RAB3D: variants seen among roughly 807,000 people sequenced by gnomAD.
The protein encoded by RAB3D is ras-related protein Rab-3D.
A neutral mutation model predicts 19.3 loss-of-function variants in RAB3D; 17 were observed. The ratio of observed to expected loss-of-function variants is 0.88; its 90% CI spans 0.60 to 1.32. The LOEUF is 1.32. Ranked by LOEUF, RAB3D falls within the 40% of genes most tolerant of loss-of-function variation. The pLI, the probability that RAB3D is intolerant of heterozygous loss-of-function variation, is 0.00. For synonymous variants in RAB3D, 103 were observed against 119.9 expected (o/e 0.86, Z 0.92); for missense variants, 223 against 299.1 (o/e 0.75, Z 1.88).
At position 11,337,110 on chromosome 19, in the gene RAB3D, C is replaced by T. The variant is rs797004720; in HGVS notation, c.228+62G>A. 68 of 1,357,048 alleles carry T rather than the reference C, an allele frequency of 5.0e-5. No individual in the cohort carries two copies. In the African/African-American group the frequency reaches 9.6e-4, roughly 19 times the overall value. 84.1% of individuals were successfully genotyped at this position (1,357,048 alleles called of 1,614,324 possible). A position where few individuals can be genotyped will look rare whatever the true frequency, so the allele number is the denominator to read the frequency against. On this transcript the variant is annotated intron_variant, in intron 2 of 4. Coordinates refer to ENST00000222120, the MANE Select transcript of RAB3D (RefSeq NM_004283.4). ...CTCCGTCTCAAAAAAAAAAAAAGAA[C>T]CCTCCAATGAACTTTCCTGGAGGGA... is the stretch of plus-strand genomic sequence containing the variant.
rs1478174618 is a variant in RAB3D at position 11,323,057 on chromosome 19, A to G, written c.*2341T>C. On this transcript the variant is annotated 3_prime_UTR_variant, in exon 5 of 5. Transcript: ENST00000222120. ...AACCCGGGAGGTGGAGGTTGCAGTGAGCTGAGATCATGCTACTGCACTGCG... is the reference window on the plus strand; with the variant it reads ...AACCCGGGAGGTGGAGGTTGCAGTGGGCTGAGATCATGCTACTGCACTGCG... The G allele has an allele frequency of 6.6e-6, 1 of 151,286 alleles. No individual in the cohort carries two copies. Among genetic ancestry groups the G allele is most frequent in the Non-Finnish European group, 1.5e-5 (1 of 67,898 alleles). 9.4% of individuals were successfully genotyped at this position (151,286 alleles called of 1,614,324 possible).
intron 4 of RAB3D, among the ~76,000 whole-genome samples, chr19:11,332,749 G>A (rs7250830): frequency 0.064 from 9,730 of 152,092 alleles, 1,018 homozygotes; most frequent in African/African-American, 0.22. Flanking sequence ...CAGAGTAGCT[G>A]GGATTACAAG....
chr19:11,335,766 C>T lies in RAB3D; in HGVS notation c.246G>A (p.Glu82=). ...AGGCCGTGGTGATGGTGCGGTAGCGCTCCTGGCCCGCTGTGTCCTGGACAA... is the reference window on the plus strand; with the variant it reads ...AGGCCGTGGTGATGGTGCGGTAGCGTTCCTGGCCCGCTGTGTCCTGGACAA... ...KLQIWDTAGQ[E]RYRTITTAYY... The change falls in exon 3 of 5, where the codon GAG becomes GAA. Residue 82 remains glutamate (E), a synonymous_variant. Transcript: ENST00000222120. 1 of 1,614,198 alleles carries T rather than the reference C, an allele frequency of 6.2e-7. No individual in the cohort carries two copies.
chr19:11,332,952 T>C (rs1268831594), intron 4 of RAB3D, among the ~76,000 whole-genome samples: 3 of 152,102 alleles, frequency 2.0e-5, no homozygotes, highest in Non-Finnish European at 4.4e-5. Flanking sequence ...GCTGCATTTG[T>C]CAGAGGAAAA....
intron 4 of RAB3D, among the ~76,000 whole-genome samples, chr19:11,330,711 G>A (rs924888662): frequency 3.3e-5 from 5 of 151,766 alleles, no homozygotes; most frequent in Admixed American, 6.6e-5. Context: ...CACCACACCC[G>A]GCTAATTTTT....
At chr19:11,335,389 T>A in intron 4 of RAB3D, 58 bp downstream of exon 4, 2 of 1,601,080 alleles carry the variant, frequency 1.2e-6, no homozygotes, top group Non-Finnish European at 1.7e-6. Flanking sequence ...AATCAGAGGA[T>A]GGGGATGAGG....
At position 11,337,340 on chromosome 19, in the gene RAB3D, G is replaced by A; in HGVS notation, c.60C>T (p.Asp20=). ...GPRDAADQNF[D]YMFKLLLIGN... is the part of the protein sequence containing the mutation. Reference sequence around the variant, plus strand: ...CTATCAGTAGCAGTTTGAACATATAGTCGAAGTTCTGATCTGCTGCATCCC... The same window carrying A: ...CTATCAGTAGCAGTTTGAACATATAATCGAAGTTCTGATCTGCTGCATCCC... Residue 20 remains aspartate (D), a synonymous_variant, in exon 2 of 5, where the codon GAC becomes GAT. Transcript: ENST00000222120. 1 of 1,614,190 alleles carries A rather than the reference G, an allele frequency of 6.2e-7. No individual in the cohort carries two copies.
In RAB3D at chr19:11,335,504, G is replaced by A; in HGVS notation, c.415C>T (p.Leu139=). 1 of 1,614,214 alleles carries A rather than the reference G, an allele frequency of 6.2e-7. No individual in the cohort carries two copies. Among genetic ancestry groups the A allele is most frequent in the Non-Finnish European group, 8.5e-7 (1 of 1,180,048 alleles). The change falls in exon 4 of 5, where the codon CTG becomes TTG. Residue 139 remains leucine (L), a synonymous_variant. Transcript: ENST00000222120. ...GCAGGCACAACACGTTCGTCCTCCA[G>A]GTCACACTTGTTCCCCACCAGGATG... ...QVILVGNKCD[L]EDERVVPAED... is the part of the protein sequence containing the mutation.
chr19:11,338,688 G>T (rs1261687099), intron 1 of RAB3D, among the ~76,000 whole-genome samples: 1 of 152,144 alleles, frequency 6.6e-6, no homozygotes, highest in African/African-American at 2.4e-5. Flanking sequence ...GCAGGAGTGA[G>T]AGTCCTTATA....
chr19:11,338,957 C>T (rs1049211686), intron 1 of RAB3D, among the ~76,000 whole-genome samples: 1 of 152,240 alleles, frequency 6.6e-6, no homozygotes, highest in African/African-American at 2.4e-5. Context: ...GCAGGCGGGG[C>T]AGAGGCAGAG....
At chr19:11,335,893 C>G (rs1599360007) in intron 2 of RAB3D, 110 bp from the exon 3 acceptor site, 4 of 1,005,742 alleles carry the variant, frequency 4.0e-6, no homozygotes, top group Non-Finnish European at 6.2e-6. Flanking sequence ...GGGGGAGACA[C>G]AGACTTGCTT....
At position 11,326,623 on chromosome 19, in the gene RAB3D, A is replaced by G. The variant is rs116723141; in HGVS notation, c.473-1038T>C. Among the ~76,000 whole-genome samples, 503 of 152,298 alleles carry G rather than the reference A, an allele frequency of 3.3e-3. 7 individuals are homozygous for G. The highest frequency in any genetic ancestry group is 0.012 in the African/African-American group (492 of 41,582). ...CATTTTCCATTGCTTTTTTTAAAAG[A>G]GAAACGGTCTCTCTCTATTGCCCAG... On this transcript the variant is annotated intron_variant, in intron 4 of 4. Coordinates refer to ENST00000222120, the MANE Select transcript of RAB3D (RefSeq NM_004283.4).
At position 11,323,042 on chromosome 19, in the gene RAB3D, G is replaced by A. The variant is rs984214321; in HGVS notation, c.*2356C>T. Reference sequence around the variant, plus strand: ...CAGGAGAATCGCTTGAACCCGGGAGGTGGAGGTTGCAGTGAGCTGAGATCA... The same window carrying A: ...CAGGAGAATCGCTTGAACCCGGGAGATGGAGGTTGCAGTGAGCTGAGATCA... On this transcript the variant is annotated 3_prime_UTR_variant, in exon 5 of 5. Transcript: ENST00000222120. The A allele has an allele frequency of 6.6e-6, 1 of 151,816 alleles. No homozygotes were observed. The highest frequency in any genetic ancestry group is 2.4e-5 in the African/African-American group (1 of 41,298). The allele number at this position is 151,816 out of a possible 1,614,324, so 9.4% of individuals were successfully genotyped here.
At chr19:11,338,682 G>A (rs1966920566) in intron 1 of RAB3D, among the ~76,000 whole-genome samples, 1 of 152,140 alleles carries the variant, frequency 6.6e-6, no homozygotes, top group Admixed American at 6.5e-5. Context: ...ACGGAGGCAG[G>A]AGTGAGAGTC....
chr19:11,338,125 T>C (rs1388010164), intron 1 of RAB3D, among the ~76,000 whole-genome samples: 1 of 152,196 alleles, frequency 6.6e-6, no homozygotes, highest in Non-Finnish European at 1.5e-5. Context: ...GTAACGGTCA[T>C]TAGACAGTGC....
intron 4 of RAB3D, among the ~76,000 whole-genome samples, chr19:11,332,947 A>T (rs1599358766): frequency 6.6e-6 from 1 of 152,186 alleles, no homozygotes; most frequent in South Asian, 2.1e-4. Context: ...CTGCAGCTGC[A>T]TTTGTCAGAG....
rs1966931227 is a variant in RAB3D, at chr19:11,339,590, C to G, written c.-183G>C. 1 of 152,360 alleles carries G rather than the reference C, an allele frequency of 6.6e-6. No homozygotes were observed. The highest frequency in any genetic ancestry group is 1.5e-5 in the Non-Finnish European group (1 of 68,186). 9.4% of individuals were successfully genotyped at this position (152,360 alleles called of 1,614,324 possible). ...CTGCGGCTTGGCCCTGGCCGCGACC[C>G]CGACCCCGCAGCCGCAGAAGCCAGC... is the stretch of plus-strand genomic sequence containing the variant. On this transcript the variant is annotated 5_prime_UTR_variant, in exon 1 of 5. Coordinates refer to ENST00000222120, the MANE Select transcript of RAB3D (RefSeq NM_004283.4).
At position 11,332,300 on chromosome 19, in the gene RAB3D, G is replaced by A. The variant is rs550100309; in HGVS notation, c.472+3147C>T. Among the ~76,000 whole-genome samples, 10 of 152,316 alleles carry A rather than the reference G, an allele frequency of 6.6e-5. No individual in the cohort carries two copies. The South Asian group carries it at 2.1e-3, about 32-fold the overall frequency. ...GCCTGCCTCGGCCTCCCAAAGTGCT[G>A]GGATTACAGGCGTGAGCCACCACGC... On this transcript the variant is annotated intron_variant, in intron 4 of 4. Transcript: ENST00000222120.
Position 11,324,334 on chromosome 19 carries a change from T to C in RAB3D, c.*1064A>G, listed in dbSNP as rs1190992349. The C allele has an allele frequency of 6.6e-6, 1 of 151,732 alleles. No homozygotes were observed. The highest frequency in any genetic ancestry group is 1.5e-5 in the Non-Finnish European group (1 of 68,014). The allele number at this position is 151,732 out of a possible 1,614,324, so 9.4% of individuals were successfully genotyped here. On this transcript the variant is annotated 3_prime_UTR_variant, in exon 5 of 5. Transcript: ENST00000222120. ...CCCTGGGCCCTGCCGATGACAAGGA[T>C]TGGGAAATGGACATTGGGTCTTGAA...
Sources: gnomAD v4.1 joint callset for allele counts (sites outside exome capture counted in the v4.1 genomes callset) on GRCh38, gnomAD v4.1.1 for gene constraint, MANE v1.5 for transcripts, NCBI Gene and HGNC (gene_info 2026-07-23, HGNC 2026-07-21) for gene names.